The following SNX13 variants were observed in gnomAD, a reference collection of about 807,000 sequenced individuals.
SNX13 encodes the protein sorting nexin 13.
SNX13 carries 45 observed loss-of-function variants against 133.6 expected under a neutral mutation model. That is an observed-to-expected ratio of 0.34 (90% confidence interval 0.27 to 0.43). The LOEUF (loss-of-function observed/expected upper bound fraction) is 0.43, where lower values mean the gene tolerates loss of function less well. Among genes scored for constraint, SNX13 ranks in the 20% least tolerant of loss-of-function variants. The probability of loss-of-function intolerance (pLI) is 1.00; values close to 1 mark genes in which losing one functional copy is unlikely to be tolerated. For synonymous variants in SNX13, 414 were observed against 373.9 expected (o/e 1.11, Z -1.24); for missense variants, 1,032 against 1,145.1 (o/e 0.90, Z 1.43).
intron 5 of SNX13, among the ~76,000 whole-genome samples, chr7:17,885,743 G>A (rs934723716): frequency 6.6e-6 from 1 of 152,150 alleles, no homozygotes; most frequent in Non-Finnish European, 1.5e-5. Context: ...CAGGAGAATC[G>A]CTTGAACCTG....
At chr7:17,936,654 C>T (rs1188866052) in intron 1 of SNX13, among the ~76,000 whole-genome samples, 2 of 151,974 alleles carry the variant, frequency 1.3e-5, no homozygotes, top group Non-Finnish European at 2.9e-5. Context: ...AATTATAATC[C>T]TAATTGCTCC....
chr7:17,846,992 TA>T (rs145599745), intron 11 of SNX13, among the ~76,000 whole-genome samples: 9,682 of 152,158 alleles, frequency 0.064, 405 homozygotes, highest in South Asian at 0.15. Flanking sequence ...CATTAAAAAA[TA>T]AAGCTTGTAT....
intron 2 of SNX13, 108 bp from the exon 3 acceptor site, chr7:17,893,542 TA>T (rs1796865988): frequency 1.5e-6 from 1 of 685,264 alleles, no homozygotes; most frequent in Non-Finnish European, 2.4e-6. Context: ...TATCATTTAC[TA>T]AAAAGTCAAT....
intron 9 of SNX13, among the ~76,000 whole-genome samples, chr7:17,855,242 G>C (rs958924727): frequency 1.3e-5 from 2 of 152,120 alleles, no homozygotes; most frequent in African/African-American, 2.4e-5. Flanking sequence ...GGAGGTTTGA[G>C]GAAAGAAGCT....
intron 1 of SNX13, among the ~76,000 whole-genome samples, chr7:17,927,559 T>C (rs1800904573): frequency 1.3e-5 from 2 of 152,184 alleles, no homozygotes; most frequent in Admixed American, 6.5e-5. Flanking sequence ...TAAAATATTC[T>C]TGACTGTCCA....
rs1269564764 is a variant in SNX13, at chr7:17,873,073, T to C, written c.753+455A>G. On this transcript the variant is annotated intron_variant, in intron 8 of 25. Coordinates refer to ENST00000428135, the MANE Select transcript of SNX13 (RefSeq NM_015132.5). ...TAGATAACACTAGGGTATAAGAAAATTTAAAACAAACTTTTGTCATAACCA... is the reference window on the plus strand; with the variant it reads ...TAGATAACACTAGGGTATAAGAAAACTTAAAACAAACTTTTGTCATAACCA... 2.0e-5 allele frequency among the ~76,000 whole-genome samples: 3 copies of C among 152,156 alleles called. No homozygotes were observed. In the South Asian group the frequency reaches 6.2e-4, roughly 31 times the overall value.
At chr7:17,910,484 C>T (rs944444817) in intron 1 of SNX13, among the ~76,000 whole-genome samples, 6 of 152,096 alleles carry the variant, frequency 3.9e-5, no homozygotes, top group African/African-American at 1.4e-4. Context: ...AATGGTGCTG[C>T]CACTGTGTAA....
intron 2 of SNX13, among the ~76,000 whole-genome samples, chr7:17,895,860 G>A (rs1797149894): frequency 1.3e-5 from 2 of 152,090 alleles, no homozygotes; most frequent in African/African-American, 4.8e-5. Context: ...CACCTTCCAA[G>A]GGCTCCTACC....
At position 17,798,656 on chromosome 7, in the gene SNX13, T is replaced by C. The variant is rs776309744; in HGVS notation, c.2513+34A>G. 8 of 1,467,772 alleles carry C rather than the reference T, an allele frequency of 5.5e-6. No homozygotes were observed. In the Middle Eastern group the frequency reaches 5.1e-4, roughly 94 times the overall value. The allele number at this position is 1,467,772 out of a possible 1,614,324, so 90.9% of individuals were successfully genotyped here. The stretch of plus-strand genomic sequence containing the variant: ...GTGATAACAATGCTAAACTCTGTAC[T>C]ACCTGAAAGAAGTGACTGTGTCTTA... On this transcript the variant is annotated intron_variant, in intron 24 of 25. Transcript: ENST00000428135.
At chr7:17,819,361 C>T (rs1472342176) in intron 18 of SNX13, among the ~76,000 whole-genome samples, 3 of 152,036 alleles carry the variant, frequency 2.0e-5, no homozygotes, top group Non-Finnish European at 4.4e-5. Flanking sequence ...CCCACCTCAG[C>T]CTCCTGAGTA....
intron 1 of SNX13, among the ~76,000 whole-genome samples, chr7:17,908,597 T>C (rs1262407330): frequency 6.6e-6 from 1 of 152,226 alleles, no homozygotes; most frequent in Non-Finnish European, 1.5e-5. Context: ...AATTCTACAA[T>C]AGTTATTTAT....
chr7:17,881,181 GGTAGA>G (rs1408290586), intron 5 of SNX13: 5 of 151,630 alleles, frequency 3.3e-5, no homozygotes, highest in African/African-American at 7.3e-5. Flanking sequence ...CAGTAAGAAT[GGTAGA>G]GTATACTATA....
Position 17,791,497 on chromosome 7 carries a change from T to C in SNX13, c.*2548A>G, listed in dbSNP as rs554284807. 10 of 151,924 alleles carry C rather than the reference T, an allele frequency of 6.6e-5. No individual in the cohort carries two copies. Among genetic ancestry groups the C allele is most frequent in the African/African-American group, 2.2e-4 (9 of 41,352 alleles). 9.4% of individuals were successfully genotyped at this position (151,924 alleles called of 1,614,324 possible). On this transcript the variant is annotated 3_prime_UTR_variant, in exon 26 of 26. Transcript: ENST00000428135. ...TTATAGGAAATGCCCATCTAAGTGA[T>C]ATATTTAAATAATACAATCAATTTT...
At chr7:17,889,477 T>G (rs908172312) in intron 5 of SNX13, 35 of 151,970 alleles carry the variant, frequency 2.3e-4, no homozygotes, top group African/African-American at 8.2e-4. Flanking sequence ...CGTGTGATGG[T>G]AGCAACATAT....
chr7:17,820,450 GAAGA>G (rs1313224231), intron 18 of SNX13, among the ~76,000 whole-genome samples: 1 of 152,046 alleles, frequency 6.6e-6, no homozygotes, highest in African/African-American at 2.4e-5. Context: ...AGCTAAACAT[GAAGA>G]AAGGTTATAT....
intron 5 of SNX13, chr7:17,882,791 C>T (rs1795516507): frequency 3.3e-6 from 4 of 1,229,518 alleles, no homozygotes; most frequent in Non-Finnish European, 3.2e-6. Flanking sequence ...TACCACAATT[C>T]CCTGTAATTT....
intron 9 of SNX13, among the ~76,000 whole-genome samples, chr7:17,857,550 C>T (rs1412254994): frequency 6.6e-6 from 1 of 152,052 alleles, no homozygotes; most frequent in Admixed American, 6.5e-5. Flanking sequence ...TTTGGGAGGC[C>T]GAGGTGGCGG....
At chr7:17,858,903 G>A (rs993465457) in intron 9 of SNX13, among the ~76,000 whole-genome samples, 2 of 152,074 alleles carry the variant, frequency 1.3e-5, no homozygotes, top group Non-Finnish European at 2.9e-5. Flanking sequence ...ATATCTAGAT[G>A]TCTGTATTTT....
At chr7:17,898,272 T>C (rs908826956) in intron 1 of SNX13, 3 of 152,170 alleles carry the variant, frequency 2.0e-5, no homozygotes, top group African/African-American at 4.8e-5. Flanking sequence ...GTCCCACTCA[T>C]GCCGTCAAGG....
Sources: allele counts gnomAD v4.1 joint callset (sites outside exome capture counted in the v4.1 genomes callset), GRCh38; gene constraint gnomAD v4.1.1; transcripts MANE v1.5; gene names NCBI Gene and HGNC (gene_info 2026-07-23, HGNC 2026-07-21).